Variants in ERBB4 observed in about 807,000 individuals in gnomAD.
ERBB4 encodes the protein erb-b2 receptor tyrosine kinase 4, also known as receptor tyrosine-protein kinase erbB-4.
ERBB4 carries 42 observed loss-of-function variants against 158.0 expected under a neutral mutation model. That is an observed-to-expected ratio of 0.27 (90% CI 0.21 to 0.34). The LOEUF is 0.34. Ranked by LOEUF, ERBB4 falls within the 10% of genes least tolerant of loss-of-function variation. ERBB4 has a pLI of 1.00. For missense variants in ERBB4, 1,333 were observed against 1,624.1 expected (o/e 0.82, Z 3.08); for synonymous variants, 583 against 558.7 (o/e 1.04, Z -0.61).
At chr2:211,999,524 T>C (rs1309918118) in intron 2 of ERBB4, among the ~76,000 whole-genome samples, 1 of 151,870 alleles carries the variant, frequency 6.6e-6, no homozygotes, top group East Asian at 1.9e-4. Context: ...ACAGATGCCT[T>C]GAACTAAGAA....
chr2:212,452,103 G>A, intron 1 of ERBB4, among the ~76,000 whole-genome samples: 1 of 150,918 alleles, frequency 6.6e-6, no homozygotes, highest in Non-Finnish European at 1.5e-5. Context: ...AAAATGTCAT[G>A]AGTAGAGCAG....
intron 3 of ERBB4, among the ~76,000 whole-genome samples, chr2:211,892,948 G>A (rs1014311152): frequency 6.8e-6 from 1 of 146,062 alleles, no homozygotes; most frequent in Non-Finnish European, 1.5e-5. Flanking sequence ...ATGCTCATGG[G>A]TAGGAAGAAT....
At chr2:211,877,566 C>CTTTT (rs574975903) in intron 3 of ERBB4, among the ~76,000 whole-genome samples, 1 of 147,178 alleles carries the variant, frequency 6.8e-6, no homozygotes. Context: ...TTTAAAATGT[C>CTTTT]TTTTTTTTTT....
At chr2:211,438,920 A>G (rs1199925073) in intron 20 of ERBB4, among the ~76,000 whole-genome samples, 1 of 152,160 alleles carries the variant, frequency 6.6e-6, no homozygotes, top group East Asian at 1.9e-4. Context: ...TTAATAATAT[A>G]TAATAAAAAT....
At chr2:212,054,159 T>C (rs2077482465) in intron 2 of ERBB4, among the ~76,000 whole-genome samples, 1 of 152,238 alleles carries the variant, frequency 6.6e-6, no homozygotes, top group South Asian at 2.1e-4. Context: ...ATGTGGAGTA[T>C]ATGTGCTATG....
chr2:211,949,643 C>T (rs1340221529), intron 2 of ERBB4, among the ~76,000 whole-genome samples: 2 of 152,212 alleles, frequency 1.3e-5, no homozygotes, highest in East Asian at 3.9e-4. Flanking sequence ...GTCATCAGTT[C>T]TCTTTCACAT....
intron 20 of ERBB4, among the ~76,000 whole-genome samples, chr2:211,442,646 A>G (rs1198285285): frequency 6.6e-6 from 1 of 151,994 alleles, no homozygotes. Flanking sequence ...ACACACGTAT[A>G]TATGTGTGTG....
intron 1 of ERBB4, among the ~76,000 whole-genome samples, chr2:212,317,768 G>A (rs1175168825): frequency 6.6e-6 from 1 of 151,354 alleles, no homozygotes; most frequent in Non-Finnish European, 1.5e-5. Context: ...GTAAGGCTAG[G>A]ACTAGAACTT....
At chr2:212,008,915 T>C (rs1222920925) in intron 2 of ERBB4, among the ~76,000 whole-genome samples, 3 of 152,162 alleles carry the variant, frequency 2.0e-5, no homozygotes, top group Non-Finnish European at 2.9e-5. Context: ...ATTCATGCTT[T>C]ACATGACATT....
chr2:211,863,574 C>A (rs1257748538), intron 3 of ERBB4, among the ~76,000 whole-genome samples: 1 of 152,152 alleles, frequency 6.6e-6, no homozygotes, highest in East Asian at 1.9e-4. Flanking sequence ...AGACGTGCCA[C>A]CTTTAAGAGC....
rs571462436 is a variant in ERBB4, at chr2:211,852,930, C to T, written c.422-64771G>A. 2.0e-5 allele frequency among the ~76,000 whole-genome samples: 3 copies of T among 151,970 alleles called. No homozygotes were observed. The South Asian group carries it at 6.2e-4, about 32-fold the overall frequency. ...CTATTAGAAAATAAATAATAGATAT[C>T]ATCACCTCTGGCATACTATCTTAAC... On this transcript the variant is annotated intron_variant, in intron 3 of 27. Coordinates refer to ENST00000342788, the MANE Select transcript of ERBB4 (RefSeq NM_005235.3).
rs115567020 is a variant in ERBB4 at position 211,692,777 on chromosome 2, C to T, written c.1489+9190G>A. Among the ~76,000 whole-genome samples the T allele has an allele frequency of 9.3e-3, 1,421 of 152,238 alleles. 23 individuals carry two copies. Among genetic ancestry groups the T allele is most frequent in the African/African-American group, 0.033 (1,364 of 41,524 alleles). On this transcript the variant is annotated intron_variant, in intron 12 of 27. Coordinates refer to ENST00000342788, the MANE Select transcript of ERBB4 (RefSeq NM_005235.3). Reference sequence around the variant, plus strand: ...ATTTTAAGATCTATAACATCTGCTACGTCCTTTTTACCATATAACATTCAT... The same window carrying T: ...ATTTTAAGATCTATAACATCTGCTATGTCCTTTTTACCATATAACATTCAT...
chr2:212,383,098 G>A (rs1029955772), intron 1 of ERBB4, among the ~76,000 whole-genome samples: 1 of 150,878 alleles, frequency 6.6e-6, no homozygotes, highest in Admixed American at 6.6e-5. Flanking sequence ...TCAGATACTC[G>A]AAATAATAAA....
intron 1 of ERBB4, among the ~76,000 whole-genome samples, chr2:212,425,913 A>G (rs2091902650): frequency 6.6e-6 from 1 of 151,992 alleles, no homozygotes; most frequent in African/African-American, 2.4e-5. Context: ...AATTATTAAC[A>G]TGCAGGATAA....
rs140017798 is a variant in ERBB4 at position 211,923,715 on chromosome 2, G to T, written c.421+23715C>A. Among the ~76,000 whole-genome samples the T allele has an allele frequency of 5.5e-4, 82 of 149,882 alleles. No homozygotes were observed. The East Asian group carries it at 0.016, about 28-fold the overall frequency. ...TTAGAGGTTGCTCATAATCTAAGTTGTATTGTATTGTATTGTATTGTATTG... is the reference window on the plus strand; with the variant it reads ...TTAGAGGTTGCTCATAATCTAAGTTTTATTGTATTGTATTGTATTGTATTG... On this transcript the variant is annotated intron_variant, in intron 3 of 27. Coordinates refer to ENST00000342788, the MANE Select transcript of ERBB4 (RefSeq NM_005235.3).
At chr2:211,884,548 G>T (rs1043262559) in intron 3 of ERBB4, among the ~76,000 whole-genome samples, 1 of 151,920 alleles carries the variant, frequency 6.6e-6, no homozygotes, top group Non-Finnish European at 1.5e-5. Flanking sequence ...TCTCCTAAAG[G>T]GCCATCCTAC....
chr2:212,444,075 T>G (rs1451038650), intron 1 of ERBB4, among the ~76,000 whole-genome samples: 1 of 152,080 alleles, frequency 6.6e-6, no homozygotes, highest in Non-Finnish European at 1.5e-5. Flanking sequence ...AGGAAGTGGC[T>G]CAAATGCCCA....
chr2:211,620,085 T>C (rs1018582436), intron 18 of ERBB4, among the ~76,000 whole-genome samples: 20 of 152,090 alleles, frequency 1.3e-4, no homozygotes, highest in Non-Finnish European at 2.4e-4. Flanking sequence ...CTGGGTAAAG[T>C]GAATTATAGC....
intron 20 of ERBB4, among the ~76,000 whole-genome samples, chr2:211,454,583 A>C (rs1048201777): frequency 6.6e-6 from 1 of 152,142 alleles, no homozygotes; most frequent in Admixed American, 6.5e-5. Flanking sequence ...AGGGGTTTTT[A>C]AGGTGATGTG....
Sources: gnomAD v4.1 joint callset for allele counts (sites outside exome capture counted in the v4.1 genomes callset) on GRCh38, gnomAD v4.1.1 for gene constraint, MANE v1.5 for transcripts, NCBI Gene and HGNC (gene_info 2026-07-23, HGNC 2026-07-21) for gene names.